The following DCC variants were observed in gnomAD, a reference collection of about 807,000 sequenced individuals.
DCC encodes DCC netrin 1 receptor, also known as netrin receptor DCC.
In DCC, 58 loss-of-function variants were observed where a neutral mutation model predicts 172.5. The ratio of observed to expected loss-of-function variants is 0.34; its 90% CI spans 0.27 to 0.42. The LOEUF is 0.42. Ranked by LOEUF, DCC falls within the 10% of genes least tolerant of loss-of-function variation. The probability of loss-of-function intolerance (pLI) is 1.00; values close to 1 mark genes in which losing one functional copy is unlikely to be tolerated. For synonymous variants in DCC, 709 were observed against 644.5 expected (o/e 1.10, Z -1.52); for missense variants, 1,740 against 1,791.0 (o/e 0.97, Z 0.51).
At chr18:53,199,955 GT>G (rs1367507393) in intron 9 of DCC, among the ~76,000 whole-genome samples, 1 of 152,112 alleles carries the variant, frequency 6.6e-6, no homozygotes, top group Non-Finnish European at 1.5e-5. Flanking sequence ...AAACAATTTA[GT>G]ACCAAAGGGC....
At chr18:53,529,582 CT>C (rs1333096347) in intron 28 of DCC, among the ~76,000 whole-genome samples, 1 of 152,170 alleles carries the variant, frequency 6.6e-6, no homozygotes, top group African/African-American at 2.4e-5. Flanking sequence ...AAAAGACAAA[CT>C]TGTTATTCTC....
chr18:53,218,412 C>T (rs2055884861), intron 12 of DCC, among the ~76,000 whole-genome samples: 1 of 151,874 alleles, frequency 6.6e-6, no homozygotes, highest in Non-Finnish European at 1.5e-5. Flanking sequence ...CCAGTTGGAC[C>T]CAGAAATCAT....
chr18:53,009,594 T>G (rs914532039), intron 5 of DCC, among the ~76,000 whole-genome samples: 1 of 151,964 alleles, frequency 6.6e-6, no homozygotes, highest in Non-Finnish European at 1.5e-5. Flanking sequence ...GTTGGAGTTT[T>G]GTACCAATGC....
chr18:52,864,983 A>G (rs1033536378), intron 2 of DCC, among the ~76,000 whole-genome samples: 1 of 151,882 alleles, frequency 6.6e-6, no homozygotes, highest in Non-Finnish European at 1.5e-5. Flanking sequence ...CTCCTGCCTC[A>G]GCCTCCTGAG....
intron 7 of DCC, among the ~76,000 whole-genome samples, chr18:53,092,252 A>T (rs1217542999): frequency 6.6e-6 from 1 of 152,062 alleles, no homozygotes; most frequent in Non-Finnish European, 1.5e-5. Context: ...GTGTGCTCTG[A>T]GATCTGTATT....
At chr18:52,532,881 A>G (rs771542189) in intron 1 of DCC, among the ~76,000 whole-genome samples, 1 of 152,048 alleles carries the variant, frequency 6.6e-6, no homozygotes, top group African/African-American at 2.4e-5. Flanking sequence ...CATCACTGCT[A>G]TCTAATTGCA....
intron 22 of DCC, among the ~76,000 whole-genome samples, chr18:53,442,991 CAGA>C (rs1912365359): frequency 6.6e-6 from 1 of 152,110 alleles, no homozygotes; most frequent in African/African-American, 2.4e-5. Context: ...GGTTTAAGAA[CAGA>C]AGCCGTCTCT....
intron 2 of DCC, among the ~76,000 whole-genome samples, chr18:52,802,979 A>G (rs1424269891): frequency 6.6e-6 from 1 of 152,136 alleles, no homozygotes; most frequent in Non-Finnish European, 1.5e-5. Flanking sequence ...GAGAAAATAT[A>G]TTTATTAAAG....
At chr18:52,471,867 A>G (rs1222895675) in intron 1 of DCC, among the ~76,000 whole-genome samples, 1 of 152,198 alleles carries the variant, frequency 6.6e-6, no homozygotes, top group Non-Finnish European at 1.5e-5. Flanking sequence ...TTTCCCTCAT[A>G]GAGAAATGTT....
chr18:53,227,129 A>G (rs989634956), intron 12 of DCC, among the ~76,000 whole-genome samples: 8 of 150,324 alleles, frequency 5.3e-5, no homozygotes, highest in African/African-American at 2.0e-4. Flanking sequence ...TTGTATTTTT[A>G]ATAGAGATGG....
intron 1 of DCC, among the ~76,000 whole-genome samples, chr18:52,549,241 G>A (rs778640708): frequency 6.6e-6 from 1 of 152,018 alleles, no homozygotes; most frequent in African/African-American, 2.4e-5. Context: ...CCTGCATTTA[G>A]CATCTCATTC....
intron 12 of DCC, among the ~76,000 whole-genome samples, chr18:53,250,861 C>T (rs1481594708): frequency 2.0e-5 from 3 of 151,912 alleles, no homozygotes; most frequent in Non-Finnish European, 2.9e-5. Flanking sequence ...ATTCCTGAAA[C>T]CCTACTATCT....
At chr18:52,504,330 G>A (rs200513949) in intron 1 of DCC, among the ~76,000 whole-genome samples, 1 of 152,178 alleles carries the variant, frequency 6.6e-6, no homozygotes, top group South Asian at 2.1e-4. Context: ...GAAGGTCACA[G>A]CAAAGTAAAA....
intron 8 of DCC, among the ~76,000 whole-genome samples, chr18:53,175,772 A>T (rs1332650448): frequency 2.0e-5 from 3 of 152,096 alleles, no homozygotes; most frequent in African/African-American, 7.2e-5. Context: ...TTACAGATTC[A>T]ATGCCATCCC....
intron 1 of DCC, among the ~76,000 whole-genome samples, chr18:52,395,520 C>T (rs568853823): frequency 7.9e-5 from 12 of 151,906 alleles, no homozygotes; most frequent in Admixed American, 2.0e-4. Flanking sequence ...TTCAGGGAAA[C>T]CAAAGATACT....
intron 9 of DCC, among the ~76,000 whole-genome samples, chr18:53,180,132 T>A (rs900807599): frequency 2.2e-4 from 33 of 152,298 alleles, no homozygotes; most frequent in Admixed American, 2.1e-3. Context: ...CTATCACTTC[T>A]TGGGTGGTTT....
chr18:53,492,341 T>C (rs2045968544), intron 26 of DCC, among the ~76,000 whole-genome samples: 1 of 152,204 alleles, frequency 6.6e-6, no homozygotes, highest in Non-Finnish European at 1.5e-5. Flanking sequence ...TGGCTTTTGT[T>C]GTCATTGCTT....
chr18:53,403,074 GCACACACACACACACACACACACA>G (rs3059148), intron 19 of DCC, among the ~76,000 whole-genome samples, 181 bp downstream of exon 19: 3 of 145,804 alleles, frequency 2.1e-5, no homozygotes, highest in Non-Finnish European at 4.5e-5. Flanking sequence ...TTCTAATGGT[GCACACACACACACACACACACACA>G]CACACACACA....
intron 5 of DCC, among the ~76,000 whole-genome samples, chr18:53,034,445 C>T (rs1367374235): frequency 6.6e-6 from 1 of 151,950 alleles, no homozygotes; most frequent in Non-Finnish European, 1.5e-5. Flanking sequence ...CTTTCTTTCT[C>T]CTCCCTCACA....
Sources: allele counts gnomAD v4.1 joint callset (sites outside exome capture counted in the v4.1 genomes callset), GRCh38; gene constraint gnomAD v4.1.1; transcripts MANE v1.5; gene names NCBI Gene and HGNC (gene_info 2026-07-23, HGNC 2026-07-21).